The following NLGN1 variants were observed in gnomAD, a reference collection of about 807,000 sequenced individuals.
The protein encoded by NLGN1 is neuroligin 1.
NLGN1 carries 12 observed loss-of-function variants against 65.5 expected under a neutral mutation model. The observed-to-expected ratio is 0.18, with a 90% CI of 0.12 to 0.30. The LOEUF is 0.30. NLGN1 is among the 10% of genes least tolerant of loss of function. The pLI is 1.00. For missense variants in NLGN1, 750 were observed against 1,007.1 expected (o/e 0.74, Z 3.46); for synonymous variants, 350 against 359.5 (o/e 0.97, Z 0.30).
At chr3:174,192,183 A>G (rs1216237105) in intron 4 of NLGN1, among the ~76,000 whole-genome samples, 3 of 151,462 alleles carry the variant, frequency 2.0e-5, no homozygotes, top group South Asian at 2.1e-4. Context: ...TTGTTTGAAG[A>G]AAAAAAAACA....
At chr3:173,559,259 G>A (rs554155359) in intron 2 of NLGN1, among the ~76,000 whole-genome samples, 40 of 152,250 alleles carry the variant, frequency 2.6e-4, no homozygotes, top group African/African-American at 9.6e-4. Context: ...GAGAATTGAT[G>A]GCCCAAACAT....
At chr3:173,801,114 A>G (rs1033446915) in intron 3 of NLGN1, among the ~76,000 whole-genome samples, 1 of 151,994 alleles carries the variant, frequency 6.6e-6, no homozygotes, top group African/African-American at 2.4e-5. Context: ...ATTTTCAAAC[A>G]TTGCAACTAT....
chr3:173,539,604 G>C (rs1280770633), intron 2 of NLGN1, among the ~76,000 whole-genome samples: 1 of 96,742 alleles, frequency 1.0e-5, no homozygotes, highest in Non-Finnish European at 2.1e-5. Context: ...TATAATATAT[G>C]TATGTTATAT....
At chr3:174,133,490 G>C (rs544961932) in intron 4 of NLGN1, among the ~76,000 whole-genome samples, 13 of 152,232 alleles carry the variant, frequency 8.5e-5, no homozygotes, top group Admixed American at 7.2e-4. Flanking sequence ...GTCAATCTTT[G>C]GAGGTATTTT....
chr3:174,053,812 C>T (rs1477947822), intron 4 of NLGN1, among the ~76,000 whole-genome samples: 1 of 151,922 alleles, frequency 6.6e-6, no homozygotes, highest in East Asian at 1.9e-4. Context: ...TAGGAAAAAA[C>T]ATTCACAGCA....
At chr3:174,131,493 C>G (rs1007152467) in intron 4 of NLGN1, among the ~76,000 whole-genome samples, 1 of 152,102 alleles carries the variant, frequency 6.6e-6, no homozygotes, top group Non-Finnish European at 1.5e-5. Flanking sequence ...ACATTAAACT[C>G]TCTGAACTTC....
chr3:174,043,049 G>A (rs925073183), intron 4 of NLGN1, among the ~76,000 whole-genome samples: 2 of 152,174 alleles, frequency 1.3e-5, no homozygotes, highest in African/African-American at 4.8e-5. Flanking sequence ...AGAAAAATGA[G>A]TGCCAGCAGG....
chr3:173,756,134 A>T (rs5854535), intron 3 of NLGN1, among the ~76,000 whole-genome samples: 1 of 28,488 alleles, frequency 3.5e-5, no homozygotes, highest in Non-Finnish European at 2.8e-4. Flanking sequence ...TTGGGATTTT[A>T]CACAATCACA....
intron 4 of NLGN1, among the ~76,000 whole-genome samples, chr3:173,812,097 T>A (rs1396041103): frequency 6.6e-6 from 1 of 152,208 alleles, no homozygotes; most frequent in African/African-American, 2.4e-5. Context: ...AGTACTGATA[T>A]CTATCTGGAC....
At chr3:173,761,369 T>C (rs1047631949) in intron 3 of NLGN1, among the ~76,000 whole-genome samples, 1 of 151,784 alleles carries the variant, frequency 6.6e-6, no homozygotes, top group African/African-American at 2.4e-5. Context: ...AGAAGAAAGG[T>C]TGATTAGATA....
At chr3:173,675,887 TCACACACACACACACA>T (rs35370304) in intron 3 of NLGN1, among the ~76,000 whole-genome samples, 1 of 138,578 alleles carries the variant, frequency 7.2e-6, no homozygotes, top group Non-Finnish European at 1.6e-5. Flanking sequence ...TCTCTCTCTC[TCACACACACACACACA>T]CACACACACA....
rs149299246 is a variant in NLGN1, at chr3:173,483,689, G to A, written c.-321+48611G>A. ...TCCACTTGGAGAAAAAAGATTTGCTGATACATGTATGGCAAAAGCCCCTGA... is the reference window on the plus strand; with the variant it reads ...TCCACTTGGAGAAAAAAGATTTGCTAATACATGTATGGCAAAAGCCCCTGA... On this transcript the variant is annotated intron_variant, in intron 2 of 6. Coordinates refer to ENST00000457714, the Ensembl canonical transcript of NLGN1. 6.9e-3 allele frequency among the ~76,000 whole-genome samples: 1,044 copies of A among 151,988 alleles called. 11 individuals are homozygous for A. The highest frequency in any genetic ancestry group is 0.023 in the African/African-American group (968 of 41,504).
intron 2 of NLGN1, among the ~76,000 whole-genome samples, chr3:173,560,753 A>G (rs1490483866): frequency 6.6e-6 from 1 of 152,188 alleles, no homozygotes; most frequent in Non-Finnish European, 1.5e-5. Flanking sequence ...AAAATCTATG[A>G]AAGCACCTTA....
chr3:173,465,126 T>G (rs1009926381), intron 2 of NLGN1, among the ~76,000 whole-genome samples: 1 of 152,224 alleles, frequency 6.6e-6, no homozygotes, highest in Admixed American at 6.5e-5. Flanking sequence ...TTCAAAGTTA[T>G]CAGTACATAA....
At chr3:173,677,615 A>G (rs967857931) in intron 3 of NLGN1, among the ~76,000 whole-genome samples, 2 of 152,056 alleles carry the variant, frequency 1.3e-5, no homozygotes, top group African/African-American at 2.4e-5. Context: ...TTTATAACCT[A>G]TTATCTATGA....
chr3:173,617,774 C>T lies in NLGN1; in HGVS notation c.493+12683C>T, dbSNP rs370778462. On this transcript the variant is annotated intron_variant, in intron 3 of 6. Coordinates refer to ENST00000457714, the Ensembl canonical transcript of NLGN1. ...GAATTCATATTTTAATACAGGATGCCGACAATGCATTTGTGTAATAGGAGC... is the reference window on the plus strand; with the variant it reads ...GAATTCATATTTTAATACAGGATGCTGACAATGCATTTGTGTAATAGGAGC... Among the ~76,000 whole-genome samples, 24 of 152,240 alleles carry T rather than the reference C, an allele frequency of 1.6e-4. No homozygotes were observed. In the South Asian group the frequency reaches 4.8e-3, roughly 30 times the overall value.
At chr3:173,727,492 T>TA (rs1771998658) in intron 3 of NLGN1, among the ~76,000 whole-genome samples, 1 of 152,128 alleles carries the variant, frequency 6.6e-6, no homozygotes, top group Admixed American at 6.6e-5. Context: ...TCTAGCACCT[T>TA]AAACTATCTC....
intron 4 of NLGN1, among the ~76,000 whole-genome samples, chr3:173,902,323 C>T (rs1007791004): frequency 6.6e-6 from 1 of 152,018 alleles, no homozygotes; most frequent in African/African-American, 2.4e-5. Context: ...CATGACTGGC[C>T]CATGTCTTAC....
At chr3:174,101,758 C>G (rs1712550670) in intron 4 of NLGN1, among the ~76,000 whole-genome samples, 2 of 152,086 alleles carry the variant, frequency 1.3e-5, no homozygotes, top group Admixed American at 6.5e-5. Context: ...GGATTAGTGA[C>G]TAGAAAAATG....
Sources: gnomAD v4.1 joint callset for allele counts (sites outside exome capture counted in the v4.1 genomes callset) on GRCh38, gnomAD v4.1.1 for gene constraint, MANE v1.5 for transcripts, NCBI Gene and HGNC (gene_info 2026-07-23, HGNC 2026-07-21) for gene names.